The following PKD1L1 variants were observed in gnomAD, a reference collection of about 807,000 sequenced individuals.
The protein encoded by PKD1L1 is polycystin-1-like protein 1.
In PKD1L1, 236 loss-of-function variants were observed where a neutral mutation model predicts 323.4. That is an observed-to-expected ratio of 0.73 (90% CI 0.66 to 0.81). The LOEUF is 0.81. PKD1L1 is among the 40% of genes least tolerant of loss of function. PKD1L1 has a pLI of 0.00. For synonymous variants in PKD1L1, 1,344 were observed against 1,335.0 expected, an observed-to-expected ratio of 1.01 and a Z score of -0.15; for missense variants, 3,320 against 3,508.0, an observed-to-expected ratio of 0.95 and a Z score of 1.35.
chr7:47,904,419 G>T lies in PKD1L1; in HGVS notation c.1890C>A (p.Thr630=). Reference sequence around the variant, plus strand: ...TGCTGGAGCTGCTCCCCAGGCTGACGGTGCCATCCCCAAAGTCCCACAGGT... The same window carrying T: ...TGCTGGAGCTGCTCCCCAGGCTGACTGTGCCATCCCCAAAGTCCCACAGGT... ...VAYLWDFGDG[T]VSLGSSSSSH... Residue 630 remains threonine, a synonymous_variant, in exon 12 of 57, where the codon ACC becomes ACA. Transcript: ENST00000289672. 1 of 1,614,116 alleles carries T rather than the reference G, an allele frequency of 6.2e-7. No homozygotes were observed. The highest frequency in any genetic ancestry group is 8.5e-7 in the Non-Finnish European group (1 of 1,180,018).
At chr7:47,830,834 G>A (rs901073871) in intron 42 of PKD1L1, among the ~76,000 whole-genome samples, 6 of 152,184 alleles carry the variant, frequency 3.9e-5, no homozygotes, top group Admixed American at 6.5e-5. Flanking sequence ...TCCCTGTCCC[G>A]AAGGCATACG....
At chr7:47,959,534 A>G in the PKD1L1 span, among the ~76,000 whole-genome samples, 1 of 140,420 alleles carries the variant, frequency 7.1e-6, no homozygotes, top group East Asian at 2.2e-4. Context: ...GGAGGTGAGG[A>G]GCGTCTCTGC....
Position 47,813,859 on chromosome 7 carries a change from C to A in PKD1L1, c.7173+72G>T, listed in dbSNP as rs1326000600. ...AGAAGTTCAAATGATCTGCCAGGGT[C>A]CTGCCCCAATGTTGCCTAGACTTCT... On this transcript the variant is annotated intron_variant, in intron 48 of 56. Transcript: ENST00000289672. The A allele has an allele frequency of 2.4e-5, 31 of 1,285,010 alleles. No homozygotes were observed. The African/African-American group carries it at 3.2e-4, about 13-fold the overall frequency. The allele number at this position is 1,285,010 out of a possible 1,614,324, so 79.6% of individuals were successfully genotyped here.
intron 23 of PKD1L1, among the ~76,000 whole-genome samples, chr7:47,874,478 T>C (rs1274798271): frequency 6.6e-6 from 1 of 152,138 alleles, no homozygotes. Context: ...TATAACAACA[T>C]TTTCAACCTG....
At chr7:47,937,442 A>G (rs982318590) in intron 3 of PKD1L1, among the ~76,000 whole-genome samples, 4 of 152,110 alleles carry the variant, frequency 2.6e-5, no homozygotes, top group Non-Finnish European at 5.9e-5. Flanking sequence ...GAACCAAGAG[A>G]GCACAGGAGG....
chr7:47,912,608 G>C (rs1787343721), intron 8 of PKD1L1, among the ~76,000 whole-genome samples: 1 of 151,944 alleles, frequency 6.6e-6, no homozygotes, highest in Admixed American at 6.6e-5. Context: ...TTGAGGTCAG[G>C]AGTTTGAGCC....
At chr7:47,873,353 AAAG>A (rs1786324315) in intron 24 of PKD1L1, among the ~76,000 whole-genome samples, 1 of 152,218 alleles carries the variant, frequency 6.6e-6, no homozygotes, top group Admixed American at 6.5e-5. Flanking sequence ...TGTTTTTAAA[AAAG>A]AAGAAAGTGA....
At chr7:47,868,339 A>C (rs759793322) in intron 24 of PKD1L1, among the ~76,000 whole-genome samples, 1 of 152,162 alleles carries the variant, frequency 6.6e-6, no homozygotes, top group Non-Finnish European at 1.5e-5. Flanking sequence ...ATTGCACTGC[A>C]GCCTGGGCGA....
In PKD1L1 at chr7:47,931,171, G is replaced by C. The variant is rs753783823; in HGVS notation, c.670C>G (p.Pro224Ala). ...TMETPTKVAR[P>A]TQTSSQRVPL... ...ACTCGCTGGGAGCTGGTCTGAGTGG[G>C]TCTGGCCACCTTGGTGGGGGTCTCC... is the stretch of plus-strand genomic sequence containing the variant. Residue 224 changes from proline (P) to alanine (A), a missense_variant, in exon 6 of 57, where the codon CCC becomes GCC. By Grantham distance (27) the Pro-to-Ala change is conservative (BLOSUM62 -1). Coordinates refer to ENST00000289672, the MANE Select transcript of PKD1L1 (RefSeq NM_138295.5). The C allele has an allele frequency of 4.3e-6, 7 of 1,614,202 alleles. No homozygotes were observed. In the South Asian group the frequency reaches 7.7e-5, roughly 18 times the overall value.
At chr7:47,830,206 C>T (rs1785317420) in intron 42 of PKD1L1, 82 bp from the exon 43 acceptor site, 1 of 1,227,606 alleles carries the variant, frequency 8.1e-7, no homozygotes, top group East Asian at 2.4e-5. Context: ...AGCACAGGGA[C>T]ACTGCCTGAG....
chr7:47,930,532 A>G lies in PKD1L1; in HGVS notation c.737+572T>C, dbSNP rs536023610. Among the ~76,000 whole-genome samples the G allele has an allele frequency of 9.8e-5, 12 of 122,152 alleles. No individual in the cohort carries two copies. In the East Asian group the frequency reaches 3.0e-3, roughly 30 times the overall value. The allele number at this position is 122,152 out of a possible 152,430, so 80.1% of individuals were successfully genotyped here. A position where few individuals can be genotyped will look rare whatever the true frequency, so the allele number is the denominator to read the frequency against. ...AAAAAAAATAAAATAAAATACACAC[A>G]GTCGGCCGGGTGCAGTGGCTCATGC... On this transcript the variant is annotated intron_variant, in intron 6 of 56. Transcript: ENST00000289672.
intron 7 of PKD1L1, among the ~76,000 whole-genome samples, chr7:47,925,883 G>T (rs1047288140): frequency 6.0e-5 from 9 of 151,160 alleles, no homozygotes; most frequent in Admixed American, 3.9e-4. Flanking sequence ...ACCAGTTTGG[G>T]GACAAAATGG....
rs1385477156 is a variant in PKD1L1 at position 47,880,860 on chromosome 7, G to A, written c.3443-55C>T. The A allele has an allele frequency of 2.8e-6, 4 of 1,417,940 alleles. No homozygotes were observed. The African/African-American group carries it at 4.4e-5, about 15-fold the overall frequency. The allele number at this position is 1,417,940 out of a possible 1,614,324, so 87.8% of individuals were successfully genotyped here. The stretch of plus-strand genomic sequence containing the variant: ...GACAGTCAGTGGTCTCAAGGACAGA[G>A]GTCACACAGAGTCCTTGGAAATGAG... On this transcript the variant is annotated intron_variant, in intron 20 of 56. Coordinates refer to ENST00000289672, the MANE Select transcript of PKD1L1 (RefSeq NM_138295.5).
intron 24 of PKD1L1, among the ~76,000 whole-genome samples, chr7:47,869,506 G>C (rs977775004): frequency 1.3e-5 from 2 of 152,116 alleles, no homozygotes; most frequent in Non-Finnish European, 2.9e-5. Context: ...ACAGATAGTT[G>C]CAATAAAGAG....
chr7:47,922,703 G>A (rs1205224791), intron 7 of PKD1L1, among the ~76,000 whole-genome samples: 4 of 150,942 alleles, frequency 2.7e-5, no homozygotes, highest in African/African-American at 4.9e-5. Context: ...AGTGAGGAGC[G>A]TCTCCGCCCG....
chr7:47,819,180 C>A (rs1424207705), intron 46 of PKD1L1, among the ~76,000 whole-genome samples: 3 of 152,138 alleles, frequency 2.0e-5, no homozygotes, highest in African/African-American at 7.2e-5. Context: ...AACCAGGATA[C>A]TTGAATATCC....
At chr7:47,957,732 G>GC in the PKD1L1 span, among the ~76,000 whole-genome samples, 2 of 151,774 alleles carry the variant, frequency 1.3e-5, no homozygotes, top group Non-Finnish European at 1.5e-5. Context: ...GCGAGCTCAA[G>GC]CAACTCACCT....
upstream of PKD1L1, among the ~76,000 whole-genome samples, chr7:47,948,749 G>A (rs1788152786): frequency 6.6e-6 from 1 of 152,114 alleles, no homozygotes; most frequent in South Asian, 2.1e-4. Flanking sequence ...CTTGAGGCCA[G>A]AAGTTTGAGA....
At chr7:47,914,742 T>C (rs528650542) in intron 8 of PKD1L1, among the ~76,000 whole-genome samples, 163 of 151,992 alleles carry the variant, frequency 1.1e-3, no homozygotes, top group African/African-American at 3.7e-3. Context: ...TTTCTCTCTC[T>C]CTTTTCTCCC....
Sources: allele counts gnomAD v4.1 joint callset (sites outside exome capture counted in the v4.1 genomes callset), GRCh38; gene constraint gnomAD v4.1.1; transcripts MANE v1.5; gene names NCBI Gene and HGNC (gene_info 2026-07-23, HGNC 2026-07-21).